NAP1L4: variants seen among roughly 807,000 people sequenced by gnomAD.
NAP1L4 encodes nucleosome assembly protein 1 like 4.
Under a neutral mutation model 58.2 loss-of-function variants are expected in NAP1L4, and 15 were observed. The observed-to-expected ratio is 0.26, with a 90% CI of 0.17 to 0.40. NAP1L4 has a LOEUF of 0.40. NAP1L4 is among the 10% of genes least tolerant of loss of function. NAP1L4 has a pLI of 1.00. For missense variants in NAP1L4, 384 were observed against 451.1 expected (o/e 0.85, Z 1.35); for synonymous variants, 171 against 155.6 (o/e 1.10, Z -0.74).
rs75132567 is a variant in NAP1L4 at position 2,955,061 on chromosome 11, T to A, written c.916-415A>T. Among the ~76,000 whole-genome samples, 3 of 144,306 alleles carry A rather than the reference T, an allele frequency of 2.1e-5. No homozygotes were observed. Among genetic ancestry groups the A allele is most frequent in the African/African-American group, 7.9e-5 (3 of 38,196 alleles). The allele number at this position is 144,306 out of a possible 152,430, so 94.7% of individuals were successfully genotyped here. ...CAGAGTTTTAGGAAACAGAAATGGA[T>A]TTTTTTTTTTTAAGAGACAGGGTCT... On this transcript the variant is annotated intron_variant, in intron 11 of 15. Coordinates refer to ENST00000380542, the MANE Select transcript of NAP1L4 (RefSeq NM_005969.4). This position sits in a 1 kb window ranked among gnomAD's most constrained non-coding sequence, Gnocchi z 4.2.
chr11:2,982,001 G>GC (rs1848349195), intron 1 of NAP1L4, among the ~76,000 whole-genome samples: 1 of 152,174 alleles, frequency 6.6e-6, no homozygotes, highest in Non-Finnish European at 1.5e-5. Flanking sequence ...TATTCTAAAT[G>GC]CAAGGTGTGA....
chr11:2,950,948 T>C (rs549746546), intron 14 of NAP1L4: 14 of 295,568 alleles, frequency 4.7e-5, no homozygotes, highest in African/African-American at 3.0e-4. Flanking sequence ...ATTTATGTTG[T>C]CAGTTAAATC....
At chr11:2,981,655 C>T (rs1848324464) in intron 1 of NAP1L4, 1 of 151,962 alleles carries the variant, frequency 6.6e-6, no homozygotes, top group African/African-American at 2.4e-5. Context: ...ATGGAGAAAC[C>T]CGTCTCTACT....
chr11:2,990,000 A>G (rs1848859176), intron 1 of NAP1L4: 1 of 152,248 alleles, frequency 6.6e-6, no homozygotes, highest in South Asian at 2.1e-4. Flanking sequence ...AAGTTATCAA[A>G]CTTAAAAATG....
chr11:2,985,397 A>G (rs1393564621), intron 1 of NAP1L4, among the ~76,000 whole-genome samples: 2 of 152,070 alleles, frequency 1.3e-5, no homozygotes, highest in Non-Finnish European at 2.9e-5. Context: ...GAAAATAAAT[A>G]TCTGTTTGTT....
intron 1 of NAP1L4, chr11:2,991,811 T>G (rs1422989333): frequency 1.3e-5 from 2 of 152,232 alleles, no homozygotes; most frequent in Non-Finnish European, 2.9e-5. Flanking sequence ...ACGGGAAGCC[T>G]GAACGCTCCG....
At position 2,944,919 on chromosome 11, in the gene NAP1L4, T is replaced by A. The variant is rs1845863187; in HGVS notation, c.*760A>T. 2 of 152,044 alleles carry A rather than the reference T, an allele frequency of 1.3e-5. No homozygotes were observed. The highest frequency in any genetic ancestry group is 2.4e-5 in the African/African-American group (1 of 41,382). The allele number at this position is 152,044 out of a possible 1,614,324, so 9.4% of individuals were successfully genotyped here. Reference sequence around the variant, plus strand: ...TTCCTGCTCAGGGCACCAAGGTGGTTCAGAAACGTTAAGGACGAGCCACAG... The same window carrying A: ...TTCCTGCTCAGGGCACCAAGGTGGTACAGAAACGTTAAGGACGAGCCACAG... On this transcript the variant is annotated 3_prime_UTR_variant, in exon 16 of 16. Transcript: ENST00000380542.
At chr11:2,958,607 T>G in intron 9 of NAP1L4, 63 bp from the exon 10 acceptor site, 17 of 1,540,634 alleles carry the variant, frequency 1.1e-5, no homozygotes, top group Non-Finnish European at 1.4e-5. Context: ...TACAAATGCA[T>G]GCAGGAAGCA....
At chr11:2,989,557 T>C (rs1848833533) in intron 1 of NAP1L4, among the ~76,000 whole-genome samples, 1 of 152,096 alleles carries the variant, frequency 6.6e-6, no homozygotes, top group Admixed American at 6.6e-5. Flanking sequence ...TGCAGACAAC[T>C]AAAGGGAAGG....
rs570468146 is a variant in NAP1L4, at chr11:2,958,137, C to T, written c.892+262G>A. Reference sequence around the variant, plus strand: ...TTAAAACAGAACTGCAAGTTTTTGCCTGGGCTACAGCCAAGCAGAGTAAAG... The same window carrying T: ...TTAAAACAGAACTGCAAGTTTTTGCTTGGGCTACAGCCAAGCAGAGTAAAG... On this transcript the variant is annotated intron_variant, in intron 10 of 15. Coordinates refer to ENST00000380542, the MANE Select transcript of NAP1L4 (RefSeq NM_005969.4). 1.2e-4 allele frequency: 78 copies of T among 643,622 alleles called. 2 individuals are homozygous for T. Among genetic ancestry groups the T allele is most frequent in the South Asian group, 1.1e-3 (76 of 66,246 alleles). The allele number at this position is 643,622 out of a possible 1,614,324, so 39.9% of individuals were successfully genotyped here. A position where few individuals can be genotyped will look rare whatever the true frequency, so the allele number is the denominator to read the frequency against.
At chr11:2,986,784 A>ATTTTTT (rs71035459) in intron 1 of NAP1L4, among the ~76,000 whole-genome samples, 1 of 143,916 alleles carries the variant, frequency 6.9e-6, no homozygotes, top group Non-Finnish European at 1.5e-5. Context: ...TGCCCAGCTA[A>ATTTTTT]TTTTTTTTTT....
chr11:2,979,852 G>A (rs1051926655), intron 1 of NAP1L4, among the ~76,000 whole-genome samples: 1 of 151,984 alleles, frequency 6.6e-6, no homozygotes, highest in African/African-American at 2.4e-5. Context: ...ATTCTAATTT[G>A]CCTTATTTTT....
chr11:2,978,314 C>A lies in NAP1L4; in HGVS notation c.43G>T (p.Val15Leu). The change falls in exon 3 of 16, where the codon GTG becomes TTG. Residue 15 changes from valine (V) to leucine (L), a missense_variant. Transcript: ENST00000380542. ...TTACTTGCATTTTTAGCAGCTTCCA[C>A]GGAATCTGAAGGAACCCCATCTGAA... ...SFSDGVPSDS[V>L]EAAKNASNTE... 1 of 1,613,874 alleles carries A rather than the reference C, an allele frequency of 6.2e-7. No individual in the cohort carries two copies. Among genetic ancestry groups the A allele is most frequent in the Non-Finnish European group, 8.5e-7 (1 of 1,179,884 alleles).
rs777763552 is a variant in NAP1L4 at position 2,949,896 on chromosome 11, G to A, written c.1123-632C>T. ...AACAAGGACAGAGGCAGCTGTGCGC[G>A]GAGTCTGAGGAGGTGGCCCTGCCAA... On this transcript the variant is annotated intron_variant, in intron 14 of 15. Coordinates refer to ENST00000380542, the MANE Select transcript of NAP1L4 (RefSeq NM_005969.4). This position sits in a 1 kb window ranked among gnomAD's most constrained non-coding sequence, Gnocchi z 4.0. Among the ~76,000 whole-genome samples the A allele has an allele frequency of 2.0e-5, 3 of 152,238 alleles. No homozygotes were observed. Among genetic ancestry groups the A allele is most frequent in the Non-Finnish European group, 4.4e-5 (3 of 68,044 alleles).
At chr11:2,947,165 G>C (rs1845980234) in intron 15 of NAP1L4, among the ~76,000 whole-genome samples, 1 of 152,144 alleles carries the variant, frequency 6.6e-6, no homozygotes, top group South Asian at 2.1e-4. Flanking sequence ...CCAAAATCTG[G>C]AACCCAAGAC....
chr11:2,970,160 A>G lies in NAP1L4; in HGVS notation c.403-226T>C, dbSNP rs185298678. Among the ~76,000 whole-genome samples, 308 of 152,288 alleles carry G rather than the reference A, an allele frequency of 2.0e-3. 1 individual carries two copies. Among genetic ancestry groups the G allele is most frequent in the African/African-American group, 7.0e-3 (291 of 41,546 alleles). On this transcript the variant is annotated intron_variant, in intron 6 of 15. Transcript: ENST00000380542. ...CACACGGAATTCCGTACCATTTCACATCAAAGGCGAAGAAACTAAAGAGAT... is the reference window on the plus strand; with the variant it reads ...CACACGGAATTCCGTACCATTTCACGTCAAAGGCGAAGAAACTAAAGAGAT...
intron 1 of NAP1L4, among the ~76,000 whole-genome samples, chr11:2,981,312 A>G (rs1312569959): frequency 6.6e-6 from 1 of 150,964 alleles, no homozygotes; most frequent in African/African-American, 2.4e-5. Flanking sequence ...TGAGAGGCTG[A>G]GACAGAAGCA....
intron 4 of NAP1L4, 40 bp from the exon 5 acceptor site, chr11:2,972,283 C>CA: frequency 6.6e-7 from 1 of 1,523,192 alleles, no homozygotes. Context: ...CTCATGCCTG[C>CA]AAAATAAAGC....
At chr11:2,985,578 G>A (rs747933606) in intron 1 of NAP1L4, among the ~76,000 whole-genome samples, 211 of 152,264 alleles carry the variant, frequency 1.4e-3, no homozygotes, top group Non-Finnish European at 2.1e-3. Flanking sequence ...GATGTTAAGT[G>A]TTCTTGTCAG....
Sources: allele counts gnomAD v4.1 joint callset (sites outside exome capture counted in the v4.1 genomes callset), GRCh38; gene constraint gnomAD v4.1.1; non-coding constraint Gnocchi (gnomAD v3.1); transcripts MANE v1.5; gene names NCBI Gene and HGNC (gene_info 2026-07-23, HGNC 2026-07-21).